Variants in TNRC6B observed in about 807,000 individuals in gnomAD.
TNRC6B encodes trinucleotide repeat containing adaptor 6B.
Under a neutral mutation model 203.6 loss-of-function variants are expected in TNRC6B, and 52 were observed. The observed-to-expected ratio is 0.26, with a 90% CI of 0.20 to 0.32. The LOEUF (loss-of-function observed/expected upper bound fraction) is 0.32, where lower values mean the gene tolerates loss of function less well. TNRC6B is among the 10% of genes least tolerant of loss of function. The probability of loss-of-function intolerance (pLI) is 1.00; values close to 1 mark genes in which losing one functional copy is unlikely to be tolerated. For synonymous variants in TNRC6B, 838 were observed against 845.7 expected (o/e 0.99, Z 0.16); for missense variants, 1,923 against 2,286.2 (o/e 0.84, Z 3.24).
At chr22:40,084,140 T>C (rs970205358) in intron 1 of TNRC6B, among the ~76,000 whole-genome samples, 4 of 152,196 alleles carry the variant, frequency 2.6e-5, no homozygotes, top group Non-Finnish European at 4.4e-5. Context: ...TTGAAGGTTC[T>C]TGCAAGTAAG....
intron 1 of TNRC6B, among the ~76,000 whole-genome samples, chr22:40,219,773 C>G (rs1270274062): frequency 6.6e-6 from 1 of 152,176 alleles, no homozygotes; most frequent in East Asian, 1.9e-4. Context: ...ACCCATTCCC[C>G]GTCCTCTCTA....
At chr22:40,091,143 G>A (rs2068147584) in intron 1 of TNRC6B, among the ~76,000 whole-genome samples, 1 of 151,770 alleles carries the variant, frequency 6.6e-6, no homozygotes, top group Admixed American at 6.6e-5. Flanking sequence ...CACCACACCC[G>A]CATAATTTTT....
intron 3 of TNRC6B, among the ~76,000 whole-genome samples, chr22:40,143,704 G>T (rs1053260389): frequency 6.6e-6 from 1 of 152,128 alleles, no homozygotes; most frequent in Non-Finnish European, 1.5e-5. Flanking sequence ...CACCGTGTTA[G>T]CCAGGATGGT....
At chr22:40,156,683 T>A (rs529055453) in intron 4 of TNRC6B, among the ~76,000 whole-genome samples, 1 of 151,892 alleles carries the variant, frequency 6.6e-6, no homozygotes, top group African/African-American at 2.4e-5. Context: ...ATAAATAATA[T>A]AACTTAGCCA....
intron 12 of TNRC6B, among the ~76,000 whole-genome samples, chr22:40,287,317 T>G (rs2070799979): frequency 1.3e-5 from 2 of 152,204 alleles, no homozygotes; most frequent in African/African-American, 4.8e-5. Flanking sequence ...CCTGTTTTGT[T>G]TTTTGAAATG....
intron 1 of TNRC6B, among the ~76,000 whole-genome samples, chr22:40,060,026 A>C (rs540045886): frequency 6.6e-5 from 10 of 151,226 alleles, no homozygotes; most frequent in African/African-American, 2.4e-4. Flanking sequence ...ACGGGGTTTC[A>C]CTGTGTTGGC....
chr22:40,063,875 T>A (rs933416946), intron 1 of TNRC6B, among the ~76,000 whole-genome samples: 10 of 152,052 alleles, frequency 6.6e-5, no homozygotes, highest in Non-Finnish European at 1.5e-4. Context: ...CCTAATTTTT[T>A]AATTTTTTGT....
At chr22:40,143,710 A>G (rs551514448) in intron 3 of TNRC6B, among the ~76,000 whole-genome samples, 47 of 152,088 alleles carry the variant, frequency 3.1e-4, no homozygotes, top group African/African-American at 6.5e-4. Flanking sequence ...GTTAGCCAGG[A>G]TGGTCTCGAT....
intron 1 of TNRC6B, among the ~76,000 whole-genome samples, chr22:40,062,546 G>A (rs954374287): frequency 2.6e-5 from 4 of 152,012 alleles, no homozygotes; most frequent in African/African-American, 4.8e-5. Context: ...ACCATTTGAC[G>A]AACAACCAGA....
intron 3 of TNRC6B, among the ~76,000 whole-genome samples, chr22:40,149,925 A>G (rs2146346184): frequency 6.6e-6 from 1 of 152,180 alleles, no homozygotes; most frequent in South Asian, 2.1e-4. Context: ...TGGCCTCCCA[A>G]AGTGTTGGAA....
At chr22:40,247,723 C>G (rs2070127716) in intron 2 of TNRC6B, among the ~76,000 whole-genome samples, 1 of 152,172 alleles carries the variant, frequency 6.6e-6, no homozygotes, top group African/African-American at 2.4e-5. Context: ...TGTGTTGCTT[C>G]TCACCTGAGT....
intron 21 of TNRC6B, among the ~76,000 whole-genome samples, chr22:40,318,711 G>T (rs1344009676): frequency 1.3e-5 from 2 of 152,094 alleles, no homozygotes; most frequent in African/African-American, 4.8e-5. Context: ...GAGAGAAGCA[G>T]TAAGAGATGC....
intron 1 of TNRC6B, among the ~76,000 whole-genome samples, chr22:40,216,142 G>A (rs965143173): frequency 2.6e-5 from 4 of 152,224 alleles, no homozygotes; most frequent in South Asian, 2.1e-4. Flanking sequence ...CTTGGCCCAT[G>A]CCGTTCCCCC....
At chr22:40,231,888 A>G (rs1464889979) in intron 1 of TNRC6B, among the ~76,000 whole-genome samples, 3 of 152,212 alleles carry the variant, frequency 2.0e-5, no homozygotes. Context: ...GTCTTTTTGC[A>G]ACTGTTTCTA....
chr22:40,217,623 A>G (rs2069652490), intron 1 of TNRC6B, among the ~76,000 whole-genome samples: 1 of 152,226 alleles, frequency 6.6e-6, no homozygotes, highest in South Asian at 2.1e-4. Flanking sequence ...GCTGAAAAAG[A>G]TGCCTCAGCA....
At chr22:40,273,359 G>A in intron 6 of TNRC6B, 66 bp from the exon 7 acceptor site, 1 of 1,402,168 alleles carries the variant, frequency 7.1e-7, no homozygotes, top group Admixed American at 2.8e-5. Flanking sequence ...CATCTGCAAG[G>A]AATTATTATT....
At chr22:40,186,374 G>A (rs547702543) in intron 1 of TNRC6B, among the ~76,000 whole-genome samples, 121 of 152,088 alleles carry the variant, frequency 8.0e-4, no homozygotes, top group Non-Finnish European at 1.5e-3. Context: ...TCATTCGATG[G>A]CGCCAGCACC....
chr22:40,145,740 G>A (rs1373531800), intron 3 of TNRC6B, among the ~76,000 whole-genome samples: 1 of 152,100 alleles, frequency 6.6e-6, no homozygotes, highest in African/African-American at 2.4e-5. Context: ...TACTTGGGAG[G>A]CTGAGGCAGG....
At chr22:40,106,059 A>T (rs1392620684) in intron 1 of TNRC6B, among the ~76,000 whole-genome samples, 2 of 151,960 alleles carry the variant, frequency 1.3e-5, no homozygotes, top group Non-Finnish European at 2.9e-5. Context: ...TTTATTGGCC[A>T]TTTGGATAAT....
Sources: allele counts gnomAD v4.1 joint callset (sites outside exome capture counted in the v4.1 genomes callset), GRCh38; gene constraint gnomAD v4.1.1; transcripts MANE v1.5; gene names NCBI Gene and HGNC (gene_info 2026-07-23, HGNC 2026-07-21).